ADGRL3: variants seen among roughly 807,000 people sequenced by gnomAD.
The protein encoded by ADGRL3 is calcium-independent alpha-latrotoxin receptor 3.
Under a neutral mutation model 153.5 loss-of-function variants are expected in ADGRL3, and 62 were observed. The observed-to-expected ratio is 0.40, with a 90% CI of 0.33 to 0.50. The LOEUF is 0.50. Ranked by LOEUF, ADGRL3 falls within the 20% of genes least tolerant of loss-of-function variation. ADGRL3 has a pLI of 0.47. For missense variants in ADGRL3, 1,641 were observed against 1,859.4 expected (o/e 0.88, Z 2.16); for synonymous variants, 710 against 672.5 (o/e 1.06, Z -0.86).
intron 1 of ADGRL3, among the ~76,000 whole-genome samples, chr4:61,353,674 C>T (rs6858625): frequency 0.49 from 71,447 of 146,896 alleles, 19,416 homozygotes; most frequent in East Asian, 0.69. Context: ...CTCCTGGGCT[C>T]AAGTGATCCT....
chr4:61,651,469 T>A (rs1201003308), intron 5 of ADGRL3, among the ~76,000 whole-genome samples: 2 of 152,162 alleles, frequency 1.3e-5, no homozygotes, highest in African/African-American at 4.8e-5. Context: ...TGAAAATATA[T>A]CCCAAGTGGT....
chr4:61,255,948 A>C (rs1407019529), intron 1 of ADGRL3, among the ~76,000 whole-genome samples: 1 of 152,150 alleles, frequency 6.6e-6, no homozygotes, highest in Non-Finnish European at 1.5e-5. Context: ...GTGAATATGC[A>C]TGTGTCTGCG....
chr4:61,440,300 G>C (rs1360210722), intron 2 of ADGRL3, among the ~76,000 whole-genome samples: 3 of 152,060 alleles, frequency 2.0e-5, no homozygotes. Context: ...CGCCTGCCTT[G>C]GCCTCCCAAA....
chr4:61,683,979 A>G (rs1238275225), intron 6 of ADGRL3, among the ~76,000 whole-genome samples: 1 of 152,198 alleles, frequency 6.6e-6, no homozygotes, highest in African/African-American at 2.4e-5. Context: ...AAGAAGGGCA[A>G]TCATTTTTAG....
chr4:61,941,293 C>A (rs370216309), intron 15 of ADGRL3, among the ~76,000 whole-genome samples: 47 of 129,224 alleles, frequency 3.6e-4, no homozygotes, highest in African/African-American at 1.3e-3. Context: ...TGATCTATAT[C>A]TCTGTTTTGG....
rs910059045 is a variant in ADGRL3, at chr4:61,316,859, A to G, written c.-239-66265A>G. On this transcript the variant is annotated intron_variant, in intron 1 of 26. Transcript: ENST00000683033. ...TGTTAAGTGGCTGATACATAATTACATAAGTGTCTATGCCTTCTCTTTATT... is the reference window on the plus strand; with the variant it reads ...TGTTAAGTGGCTGATACATAATTACGTAAGTGTCTATGCCTTCTCTTTATT... 4.6e-5 allele frequency among the ~76,000 whole-genome samples: 7 copies of G among 152,238 alleles called. No individual in the cohort carries two copies. In the South Asian group the frequency reaches 1.0e-3, roughly 23 times the overall value.
intron 2 of ADGRL3, among the ~76,000 whole-genome samples, chr4:61,444,204 G>T (rs1310062487): frequency 6.6e-6 from 1 of 152,156 alleles, no homozygotes; most frequent in South Asian, 2.1e-4. Flanking sequence ...TTGTTAATAT[G>T]ATTAATTCCT....
chr4:61,699,281 G>T (rs1212559390), intron 6 of ADGRL3, among the ~76,000 whole-genome samples: 1 of 151,784 alleles, frequency 6.6e-6, no homozygotes, highest in Non-Finnish European at 1.5e-5. Flanking sequence ...GGGTGATTAA[G>T]GTGAATATCA....
At chr4:61,945,710 C>G (rs540203678) in intron 15 of ADGRL3, among the ~76,000 whole-genome samples, 1 of 150,592 alleles carries the variant, frequency 6.6e-6, no homozygotes, top group African/African-American at 2.4e-5. Flanking sequence ...CAGGTGCGTC[C>G]GTCACCCCTT....
intron 8 of ADGRL3, among the ~76,000 whole-genome samples, chr4:61,806,346 C>T (rs1346175729): frequency 6.6e-6 from 1 of 151,316 alleles, no homozygotes; most frequent in Non-Finnish European, 1.5e-5. Flanking sequence ...TAGTGGGTAG[C>T]CAAGGTGTGT....
intron 1 of ADGRL3, among the ~76,000 whole-genome samples, chr4:61,373,245 C>A (rs1578504251): frequency 6.6e-6 from 1 of 152,292 alleles, no homozygotes; most frequent in East Asian, 1.9e-4. Flanking sequence ...CATCTTGGCT[C>A]CTCTAACTCT....
intron 5 of ADGRL3, among the ~76,000 whole-genome samples, chr4:61,612,315 C>T (rs2149700176): frequency 6.6e-6 from 1 of 152,248 alleles, no homozygotes; most frequent in East Asian, 1.9e-4. Flanking sequence ...GAAGCCTTCT[C>T]TCTTCACTTG....
chr4:61,303,578 A>AT (rs1022971333), intron 1 of ADGRL3, among the ~76,000 whole-genome samples: 1 of 152,076 alleles, frequency 6.6e-6, no homozygotes, highest in Non-Finnish European at 1.5e-5. Flanking sequence ...TAAAACTGTC[A>AT]TTTTTTTAAT....
chr4:61,781,343 A>AAAAAAAAAAAAAAAAAG (rs2097211557), intron 8 of ADGRL3, among the ~76,000 whole-genome samples: 5 of 151,562 alleles, frequency 3.3e-5, no homozygotes, highest in African/African-American at 1.2e-4. Flanking sequence ...AAAAAAAAAA[A>AAAAAAAAAAAAAAAAAG]AAAAGAAAAG....
intron 19 of ADGRL3, among the ~76,000 whole-genome samples, chr4:61,988,521 T>C (rs1224343557): frequency 1.3e-5 from 2 of 152,178 alleles, no homozygotes; most frequent in African/African-American, 4.8e-5. Context: ...ATTGACTTAA[T>C]AGTAATTCAA....
intron 6 of ADGRL3, among the ~76,000 whole-genome samples, chr4:61,678,904 GA>G (rs2095272678): frequency 6.6e-6 from 1 of 151,962 alleles, no homozygotes; most frequent in Non-Finnish European, 1.5e-5. Context: ...TAATCCAAAA[GA>G]AAGTATAAAT....
At chr4:61,806,651 T>C (rs2097555878) in intron 8 of ADGRL3, among the ~76,000 whole-genome samples, 1 of 152,124 alleles carries the variant, frequency 6.6e-6, no homozygotes, top group Non-Finnish European at 1.5e-5. Context: ...TTGAAAGGGT[T>C]AAATAATTGG....
rs397993633 is a variant in ADGRL3, at chr4:61,392,684, C to CAAAAAAAAAAAAAAAAAAAAAAAAAAA, written c.-174+9517_-174+9518insAAAAAAAAAAAAAAAAAAAAAAAAAAA. On this transcript the variant is annotated intron_variant, in intron 2 of 26. Transcript: ENST00000683033. The stretch of plus-strand genomic sequence containing the variant: ...CTGGTGACAGAGCGAGACTCCATCT[C>CAAAAAAAAAAAAAAAAAAAAAAAAAAA]AAAAAAAAAAAAAAAAAAAAAAGAA... Among the ~76,000 whole-genome samples the CAAAAAAAAAAAAAAAAAAAAAAAAAAA allele has an allele frequency of 2.2e-4, 3 of 13,378 alleles. 1 individual carries two copies. Among genetic ancestry groups the CAAAAAAAAAAAAAAAAAAAAAAAAAAA allele is most frequent in the Non-Finnish European group, 3.5e-4 (2 of 5,762 alleles). 8.8% of individuals were successfully genotyped at this position (13,378 alleles called of 152,430 possible). A position where few individuals can be genotyped will look rare whatever the true frequency, so the allele number is the denominator to read the frequency against.
intron 1 of ADGRL3, among the ~76,000 whole-genome samples, chr4:61,369,543 C>T (rs936295170): frequency 2.0e-4 from 30 of 151,866 alleles, no homozygotes; most frequent in East Asian, 3.9e-4. Flanking sequence ...TATTGATTTG[C>T]GTATATTGAG....
Sources: gnomAD v4.1 joint callset for allele counts (sites outside exome capture counted in the v4.1 genomes callset) on GRCh38, gnomAD v4.1.1 for gene constraint, MANE v1.5 for transcripts, NCBI Gene and HGNC (gene_info 2026-07-23, HGNC 2026-07-21) for gene names.